The following ARB2A variants were observed in gnomAD, a reference collection of about 807,000 sequenced individuals.
The protein encoded by ARB2A is ARB2 cotranscriptional regulator A.
the ARB2A span, among the ~76,000 whole-genome samples, chr5:93,848,143 G>A: frequency 6.6e-6 from 1 of 152,166 alleles, no homozygotes; most frequent in Non-Finnish European, 1.5e-5. Context: ...CCAGCACTGT[G>A]GGAGGCCAAG....
At chr5:93,749,339 C>T in the ARB2A span, among the ~76,000 whole-genome samples, 4 of 152,128 alleles carry the variant, frequency 2.6e-5, no homozygotes, top group Admixed American at 2.6e-4. Flanking sequence ...GATCTGTGGA[C>T]TGAAGGGCTA....
the ARB2A span, among the ~76,000 whole-genome samples, chr5:93,909,855 G>T: frequency 6.6e-6 from 1 of 150,624 alleles, no homozygotes. Flanking sequence ...CTTAAAGAGG[G>T]TTTTAAAAAT....
the ARB2A span, among the ~76,000 whole-genome samples, chr5:94,048,476 T>C: frequency 1.3e-5 from 2 of 152,210 alleles, no homozygotes; most frequent in African/African-American, 2.4e-5. Flanking sequence ...TTACATTGCA[T>C]AGAAGCTAGC....
the ARB2A span, among the ~76,000 whole-genome samples, chr5:93,729,484 T>G: frequency 6.6e-6 from 1 of 152,120 alleles, no homozygotes; most frequent in Non-Finnish European, 1.5e-5. Flanking sequence ...CAAGGATGTC[T>G]GGGAAATGGC....
At chr5:93,941,676 C>T in the ARB2A span, among the ~76,000 whole-genome samples, 1 of 152,046 alleles carries the variant, frequency 6.6e-6, no homozygotes, top group Admixed American at 6.6e-5. Flanking sequence ...ATAATTTTAA[C>T]CAATATTTTT....
chr5:93,664,885 G>A, the ARB2A span, among the ~76,000 whole-genome samples: 6,409 of 152,048 alleles, frequency 0.042, 418 homozygotes, highest in African/African-American at 0.15. Flanking sequence ...GGAGTGCAAT[G>A]GCACAATCTT....
the ARB2A span, among the ~76,000 whole-genome samples, chr5:93,944,293 A>G: frequency 6.6e-6 from 1 of 152,144 alleles, no homozygotes; most frequent in Admixed American, 6.6e-5. Context: ...TGTCACTAAA[A>G]TCTCATTGAA....
the ARB2A span, among the ~76,000 whole-genome samples, chr5:93,714,560 A>G: frequency 1.3e-5 from 2 of 152,230 alleles, no homozygotes; most frequent in Admixed American, 1.3e-4. Context: ...AAAATTATAG[A>G]TGATTTTTAG....
At chr5:93,787,955 A>G in the ARB2A span, among the ~76,000 whole-genome samples, 1 of 152,218 alleles carries the variant, frequency 6.6e-6, no homozygotes, top group Admixed American at 6.5e-5. Flanking sequence ...TTCAGCATTA[A>G]CAAAAAAATG....
At chr5:93,945,762 C>G in the ARB2A span, among the ~76,000 whole-genome samples, 1 of 152,044 alleles carries the variant, frequency 6.6e-6, no homozygotes, top group African/African-American at 2.4e-5. Flanking sequence ...AACTAAAGAT[C>G]ATGAGTGAAT....
At chr5:94,022,406 A>C in the ARB2A span, among the ~76,000 whole-genome samples, 1 of 152,164 alleles carries the variant, frequency 6.6e-6, no homozygotes, top group African/African-American at 2.4e-5. Flanking sequence ...GAAAGACTGC[A>C]TACAATGATG....
chr5:94,035,260 T>A, the ARB2A span, among the ~76,000 whole-genome samples: 1 of 39,400 alleles, frequency 2.5e-5, no homozygotes, highest in African/African-American at 1.2e-4. Flanking sequence ...TATACATCAC[T>A]ATATGTATGC....
the ARB2A span, among the ~76,000 whole-genome samples, chr5:93,877,701 A>G: frequency 1.1e-3 from 166 of 152,292 alleles, 4 homozygotes; most frequent in East Asian, 0.031. Context: ...TTAGCTAATC[A>G]TTATACATTC....
At chr5:94,047,125 T>C in the ARB2A span, among the ~76,000 whole-genome samples, 4 of 152,172 alleles carry the variant, frequency 2.6e-5, no homozygotes, top group African/African-American at 7.2e-5. Flanking sequence ...TTGATCAAAA[T>C]ATTCAGGAAG....
the ARB2A span, among the ~76,000 whole-genome samples, chr5:94,027,430 T>C: frequency 6.6e-6 from 1 of 152,178 alleles, no homozygotes; most frequent in African/African-American, 2.4e-5. Flanking sequence ...GAAGGATAAG[T>C]TGATCATCAA....
the ARB2A span, among the ~76,000 whole-genome samples, chr5:94,030,999 A>T: frequency 6.6e-6 from 1 of 152,216 alleles, no homozygotes; most frequent in African/African-American, 2.4e-5. Context: ...CAGAATTGTG[A>T]GCCAAATAAA....
the ARB2A span, among the ~76,000 whole-genome samples, chr5:94,046,836 C>T: frequency 1.3e-5 from 2 of 152,178 alleles, no homozygotes; most frequent in Non-Finnish European, 2.9e-5. Flanking sequence ...CATTAAGTCC[C>T]ACTATCATGA....
chr5:94,083,383 T>C, the ARB2A span, among the ~76,000 whole-genome samples: 21 of 152,120 alleles, frequency 1.4e-4, no homozygotes, highest in Non-Finnish European at 2.6e-4. Flanking sequence ...CATTAGAATA[T>C]CTATAAATTC....
the ARB2A span, among the ~76,000 whole-genome samples, chr5:94,026,719 C>G: frequency 6.6e-6 from 1 of 152,144 alleles, no homozygotes; most frequent in Admixed American, 6.5e-5. Flanking sequence ...CTGGATTTGA[C>G]CTGTAGCTTG....
Sources: gnomAD v4.1 joint callset for allele counts (sites outside exome capture counted in the v4.1 genomes callset) on GRCh38, gnomAD v4.1.1 for gene constraint, MANE v1.5 for transcripts, NCBI Gene and HGNC (gene_info 2026-07-23, HGNC 2026-07-21) for gene names.